AGBL1: variants seen among roughly 807,000 people sequenced by gnomAD.
AGBL1 encodes the protein AGBL carboxypeptidase 1, also known as cytosolic carboxypeptidase 4.
Under a neutral mutation model 118.9 loss-of-function variants are expected in AGBL1, and 130 were observed. The ratio of observed to expected loss-of-function variants is 1.09; its 90% CI spans 0.95 to 1.26. AGBL1 has a LOEUF of 1.26. Among genes scored for constraint, AGBL1 ranks in the 50% most tolerant of loss-of-function variants. The probability of loss-of-function intolerance (pLI) is 0.00; values close to 1 mark genes in which losing one functional copy is unlikely to be tolerated. For synonymous variants in AGBL1, 555 were observed against 478.9 expected (o/e 1.16, Z -2.08); for missense variants, 1,584 against 1,298.1 (o/e 1.22, Z -3.38).
rs527306472 is a variant in AGBL1 at position 86,557,713 on chromosome 15, G to T, written c.2994+3176G>T. On this transcript the variant is annotated intron_variant, in intron 21 of 22. Transcript: ENST00000614907. The stretch of plus-strand genomic sequence containing the variant: ...CGATAAAATCCACCTCATCATCGTG[G>T]TGAGTAAGGCCTTTTACAATCTCTT... Among the ~76,000 whole-genome samples the T allele has an allele frequency of 9.7e-4, 147 of 152,242 alleles. 1 individual carries two copies. Among genetic ancestry groups the T allele is most frequent in the African/African-American group, 3.2e-3 (135 of 41,550 alleles).
At chr15:86,568,479 A>T (rs1202475948) in intron 21 of AGBL1, among the ~76,000 whole-genome samples, 1 of 152,218 alleles carries the variant, frequency 6.6e-6, no homozygotes, top group African/African-American at 2.4e-5. Context: ...TGTGAAAATC[A>T]AATGGAGGCT....
intron 1 of AGBL1, among the ~76,000 whole-genome samples, chr15:86,137,301 C>G (rs1441133654): frequency 6.6e-6 from 1 of 152,200 alleles, no homozygotes; most frequent in Non-Finnish European, 1.5e-5. Context: ...TGGCAGGACC[C>G]TGTGGGTGAG....
At chr15:86,228,025 C>T (rs149579077) in intron 6 of AGBL1, among the ~76,000 whole-genome samples, 1 of 152,298 alleles carries the variant, frequency 6.6e-6, no homozygotes, top group Non-Finnish European at 1.5e-5. Flanking sequence ...TGCTAGGCAG[C>T]TGCCGTCTTT....
intron 22 of AGBL1, among the ~76,000 whole-genome samples, chr15:86,869,624 T>A (rs2079689852): frequency 6.6e-6 from 1 of 152,136 alleles, no homozygotes; most frequent in South Asian, 2.1e-4. Context: ...GAGAAGAAAG[T>A]GTTACCAAAC....
chr15:86,528,875 C>T (rs1459606267), intron 19 of AGBL1, among the ~76,000 whole-genome samples: 8 of 12,712 alleles, frequency 6.3e-4, no homozygotes, highest in African/African-American at 1.3e-3. Context: ...CAGGGTATTC[C>T]AACAGACCTG....
chr15:86,820,876 C>T (rs1423152023), intron 22 of AGBL1, among the ~76,000 whole-genome samples: 3 of 152,114 alleles, frequency 2.0e-5, no homozygotes, highest in African/African-American at 7.2e-5. Flanking sequence ...AAGACACATG[C>T]ACACGTATAT....
chr15:86,491,341 G>T (rs967808924), intron 18 of AGBL1, among the ~76,000 whole-genome samples: 2 of 152,068 alleles, frequency 1.3e-5, no homozygotes, highest in Non-Finnish European at 2.9e-5. Context: ...AAAAGCATAC[G>T]GTGGCAGCCT....
At chr15:86,283,192 T>A (rs2081766816) in intron 16 of AGBL1, among the ~76,000 whole-genome samples, 1 of 152,192 alleles carries the variant, frequency 6.6e-6, no homozygotes, top group Non-Finnish European at 1.5e-5. Flanking sequence ...GCAATAATCG[T>A]TACAGTATTA....
intron 18 of AGBL1, among the ~76,000 whole-genome samples, chr15:86,468,747 C>T (rs149828585): frequency 3.1e-4 from 47 of 152,122 alleles, no homozygotes; most frequent in South Asian, 6.2e-4. Context: ...TAAATTCTTT[C>T]GCTAATAATT....
At chr15:86,633,536 A>G (rs2085013809) in intron 21 of AGBL1, among the ~76,000 whole-genome samples, 1 of 152,080 alleles carries the variant, frequency 6.6e-6, no homozygotes, top group Non-Finnish European at 1.5e-5. Flanking sequence ...CTGAAAGAAT[A>G]TTAGAATCTT....
intron 17 of AGBL1, among the ~76,000 whole-genome samples, chr15:86,365,088 T>C (rs2080868288): frequency 6.7e-6 from 1 of 148,844 alleles, no homozygotes; most frequent in Non-Finnish European, 1.5e-5. Context: ...CACATATATA[T>C]AATTGATTTA....
Position 86,744,638 on chromosome 15 carries a change from G to T in AGBL1, c.3158+70202G>T, listed in dbSNP as rs76453784. 7.0e-3 allele frequency among the ~76,000 whole-genome samples: 1,067 copies of T among 152,158 alleles called. 19 individuals carry two copies. Among genetic ancestry groups the T allele is most frequent in the African/African-American group, 0.024 (1,010 of 41,534 alleles). On this transcript the variant is annotated intron_variant, in intron 22 of 22. Coordinates refer to ENST00000614907, the MANE Select transcript of AGBL1 (RefSeq NM_001386094.1). ...AGAAGGGAGACATTCACCCCCAGAG[G>T]GGGGGAGGAGTTAAAATAGATCAGC...
At chr15:86,358,433 T>C (rs868471969) in intron 17 of AGBL1, among the ~76,000 whole-genome samples, 30 of 152,200 alleles carry the variant, frequency 2.0e-4, no homozygotes, top group African/African-American at 7.2e-4. Context: ...TTTCTGTAGA[T>C]GAACACTCAG....
chr15:86,769,184 A>G (rs2141285353), intron 22 of AGBL1, among the ~76,000 whole-genome samples: 1 of 138,558 alleles, frequency 7.2e-6, no homozygotes, highest in South Asian at 2.3e-4. Flanking sequence ...AGGGAGAGAG[A>G]GAGAGACAGA....
chr15:87,015,890 T>A (rs955926570), intron 24 of AGBL1, among the ~76,000 whole-genome samples: 4 of 152,166 alleles, frequency 2.6e-5, no homozygotes, highest in Non-Finnish European at 4.4e-5. Flanking sequence ...TACCTTAGAA[T>A]GATGTTAAAT....
At chr15:86,238,044 C>T (rs1278337177) in intron 6 of AGBL1, among the ~76,000 whole-genome samples, 1 of 152,202 alleles carries the variant, frequency 6.6e-6, no homozygotes, top group Non-Finnish European at 1.5e-5. Context: ...TCTTGTCGCT[C>T]ATGCCTCAGC....
chr15:86,665,829 T>G (rs1236084029), intron 21 of AGBL1, among the ~76,000 whole-genome samples: 4 of 152,116 alleles, frequency 2.6e-5, no homozygotes, highest in Non-Finnish European at 5.9e-5. Context: ...TTTTGAGTTT[T>G]TATCTTTATT....
chr15:86,973,456 A>G (rs776444384), intron 23 of AGBL1, among the ~76,000 whole-genome samples: 2 of 151,636 alleles, frequency 1.3e-5, no homozygotes, highest in Non-Finnish European at 3.0e-5. Context: ...CAAGTCACTC[A>G]GTGTCAGCCT....
At chr15:86,199,060 T>C (rs943067094) in intron 5 of AGBL1, among the ~76,000 whole-genome samples, 1 of 152,238 alleles carries the variant, frequency 6.6e-6, no homozygotes, top group Non-Finnish European at 1.5e-5. Flanking sequence ...ACGCATATGT[T>C]TGTGTATGTA....
Sources: gnomAD v4.1 joint callset for allele counts (sites outside exome capture counted in the v4.1 genomes callset) on GRCh38, gnomAD v4.1.1 for gene constraint, MANE v1.5 for transcripts, NCBI Gene and HGNC (gene_info 2026-07-23, HGNC 2026-07-21) for gene names.